PIGN: variants seen among roughly 807,000 people sequenced by gnomAD.
PIGN encodes the protein phosphatidylinositol glycan anchor biosynthesis class N.
Under a neutral mutation model 125.4 loss-of-function variants are expected in PIGN, and 117 were observed. The ratio of observed to expected loss-of-function variants is 0.93; its 90% CI spans 0.80 to 1.09. PIGN has a LOEUF of 1.09. Among genes scored for constraint, PIGN ranks in the 50% least tolerant of loss-of-function variants. The pLI is 0.00. For synonymous variants in PIGN, 392 were observed against 377.8 expected, an observed-to-expected ratio of 1.04 and a Z score of -0.44; for missense variants, 1,075 against 1,094.9, an observed-to-expected ratio of 0.98 and a Z score of 0.26.
At chr18:62,082,305 A>C (rs964928010) in intron 28 of PIGN, among the ~76,000 whole-genome samples, 1 of 152,184 alleles carries the variant, frequency 6.6e-6, no homozygotes, top group African/African-American at 2.4e-5. Flanking sequence ...TAACATATTT[A>C]AGAAATAAAC....
At chr18:62,120,653 T>C (rs1358928153) in intron 14 of PIGN, among the ~76,000 whole-genome samples, 2 of 152,064 alleles carry the variant, frequency 1.3e-5, no homozygotes, top group Non-Finnish European at 2.9e-5. Flanking sequence ...ACTAATAATG[T>C]GCCCAAAATG....
chr18:62,111,048 TCC>T, intron 16 of PIGN, among the ~76,000 whole-genome samples: 1 of 151,736 alleles, frequency 6.6e-6, no homozygotes, highest in African/African-American at 2.4e-5. Context: ...CGAACAAACC[TCC>T]CACATTCTAT....
intron 13 of PIGN, 74 bp from the exon 14 acceptor site, chr18:62,138,372 A>C (rs1490092498): frequency 3.4e-6 from 5 of 1,486,184 alleles, no homozygotes; most frequent in African/African-American, 1.4e-5. Context: ...ACATCCATTA[A>C]AATGATTCTT....
intron 14 of PIGN, among the ~76,000 whole-genome samples, chr18:62,117,380 G>C (rs1198569488): frequency 6.6e-6 from 1 of 152,038 alleles, no homozygotes; most frequent in Non-Finnish European, 1.5e-5. Flanking sequence ...GTTGGCAGAG[G>C]AGTAATTAAA....
chr18:62,069,856 T>G (rs1438188140), intron 30 of PIGN: 2 of 152,210 alleles, frequency 1.3e-5, no homozygotes, highest in Non-Finnish European at 2.9e-5. Context: ...CAAATTTCAT[T>G]ATGTGTAGTT....
chr18:62,122,285 C>T lies in PIGN; in HGVS notation c.1173-7646G>A, dbSNP rs2035337611. Among the ~76,000 whole-genome samples, 3 of 151,826 alleles carry T rather than the reference C, an allele frequency of 2.0e-5. No homozygotes were observed. In the South Asian group the frequency reaches 6.3e-4, roughly 32 times the overall value. On this transcript the variant is annotated intron_variant, in intron 14 of 30. Coordinates refer to ENST00000640252, the MANE Select transcript of PIGN (RefSeq NM_176787.5). ...TTGATTATATGAATGTATCATGTAC[C>T]CCTAAAATATGTATGTAATGTATCA...
intron 14 of PIGN, among the ~76,000 whole-genome samples, chr18:62,135,445 G>C (rs1385777305): frequency 3.3e-5 from 5 of 151,980 alleles, no homozygotes; most frequent in African/African-American, 1.2e-4. Flanking sequence ...ACCCCCAGAG[G>C]ACACAGTGGC....
chr18:62,124,287 A>G (rs10503065), intron 14 of PIGN, among the ~76,000 whole-genome samples: 45,602 of 152,068 alleles, frequency 0.3, 7,944 homozygotes, highest in East Asian at 0.55. Context: ...TCTGCTTAAA[A>G]GAATACTTAC....
At chr18:62,091,107 T>C (rs1000872034) in intron 23 of PIGN, among the ~76,000 whole-genome samples, 3 of 152,184 alleles carry the variant, frequency 2.0e-5, no homozygotes, top group Non-Finnish European at 4.4e-5. Flanking sequence ...CCCAGCACTT[T>C]GGCAGGCCGG....
At chr18:62,081,123 G>A (rs142668179) in intron 28 of PIGN, among the ~76,000 whole-genome samples, 68 of 152,200 alleles carry the variant, frequency 4.5e-4, no homozygotes, top group East Asian at 5.8e-4. Flanking sequence ...TACTGAACTC[G>A]TCCTTGGCAT....
chr18:62,025,618 G>A (rs1437164345), intron 23 of PIGN, among the ~76,000 whole-genome samples: 1 of 152,182 alleles, frequency 6.6e-6, no homozygotes, highest in Admixed American at 6.5e-5. Flanking sequence ...TCTTGCTTAT[G>A]CAAACCTCCA....
At position 62,082,737 on chromosome 18, in the gene PIGN, G is replaced by T. The variant is rs1334750676; in HGVS notation, c.2512C>A (p.Pro838Thr). ...GALMMWKILIPFVLVMCAFEA... is the reference protein window; with the variant it reads ...GALMMWKILITFVLVMCAFEA... ...AAAGCACACATAACAAGAACAAAGG[G>T]GATTAAAATCTGTAAAAGAACAATA... is the stretch of plus-strand genomic sequence containing the variant. The change falls in exon 28 of 31, where the codon CCC becomes ACC. Residue 838 changes from proline (P) to threonine (T), a missense_variant. Pro to Thr is a conservative substitution (Grantham distance 38). Around this residue, in one of 3 missense-constraint regions of PIGN, gnomAD observed 915 missense variants for 908.7 expected, o/e 1.01. Transcript: ENST00000640252. 6.6e-7 allele frequency: 1 copy of T among 1,522,968 alleles called. No individual in the cohort carries two copies. Among genetic ancestry groups the T allele is most frequent in the Non-Finnish European group, 8.9e-7 (1 of 1,123,064 alleles). The allele number at this position is 1,522,968 out of a possible 1,614,324, so 94.3% of individuals were successfully genotyped here.
intron 30 of PIGN, among the ~76,000 whole-genome samples, chr18:62,061,917 C>T (rs2032171488): frequency 6.6e-6 from 1 of 152,110 alleles, no homozygotes; most frequent in Non-Finnish European, 1.5e-5. Context: ...ACGTACATTT[C>T]CCCCTACTTC....
Position 62,172,966 on chromosome 18 carries a change from G to A in PIGN, c.-235-9310C>T, listed in dbSNP as rs143093787. Among the ~76,000 whole-genome samples the A allele has an allele frequency of 2.6e-5, 4 of 152,122 alleles. No homozygotes were observed. In the East Asian group the frequency reaches 5.8e-4, roughly 22 times the overall value. ...AGTAGACTCCCCAATGACACCATAC[G>A]AACACAAAATATTAGCAATACTAAA... On this transcript the variant is annotated intron_variant, in intron 1 of 30. Coordinates refer to ENST00000640252, the MANE Select transcript of PIGN (RefSeq NM_176787.5).
chr18:62,109,802 GA>G, intron 17 of PIGN, 31 bp downstream of exon 17: 1 of 1,577,028 alleles, frequency 6.3e-7, no homozygotes, highest in Non-Finnish European at 8.6e-7. Flanking sequence ...TCAATGAAGT[GA>G]AAAAACAAGG....
chr18:62,091,242 G>C (rs369538632), intron 23 of PIGN, among the ~76,000 whole-genome samples: 2 of 152,136 alleles, frequency 1.3e-5, no homozygotes, highest in East Asian at 1.9e-4. Flanking sequence ...TAACTCGGGA[G>C]GCTGAGGCAG....
At chr18:62,057,794 T>C (rs1476850560) in intron 30 of PIGN, among the ~76,000 whole-genome samples, 3 of 152,214 alleles carry the variant, frequency 2.0e-5, no homozygotes, top group African/African-American at 7.2e-5. Context: ...ACACTAACTG[T>C]ACAGAGCACC....
At position 62,157,132 on chromosome 18, in the gene PIGN, T is replaced by A. The variant is rs370389707; in HGVS notation, c.439A>T (p.Lys147Ter). ...AAACATAATCAGTGACTCTTACCTT[T>A]GGCAAACATAGGCAGGATATCTGGG... ...GSPDILPMFA[K>*]GASGDHVYTY... The change falls in exon 6 of 31, where the codon AAA becomes TAA. Residue 147 changes from lysine (K) to a stop codon, truncating the protein, a stop_gained. Transcript: ENST00000640252. LOFTEE classifies it high-confidence loss of function. The A allele has an allele frequency of 2.9e-5, 45 of 1,572,708 alleles. No homozygotes were observed. Among genetic ancestry groups the A allele is most frequent in the Non-Finnish European group, 3.4e-5 (39 of 1,145,900 alleles).
At position 62,095,840 on chromosome 18, in the gene PIGN, G is replaced by C. The variant is rs767264989; in HGVS notation, c.2180+8C>G. On this transcript the variant is annotated splice_region_variant and intron_variant, in intron 23 of 30. Transcript: ENST00000640252. Reference sequence around the variant, plus strand: ...TGCTATAAAATTAAATTGTTAAAAAGTTTATACCCTGTGCTTAGAAGTAGG... The same window carrying C: ...TGCTATAAAATTAAATTGTTAAAAACTTTATACCCTGTGCTTAGAAGTAGG... 3.9e-6 allele frequency: 6 copies of C among 1,523,690 alleles called. No homozygotes were observed. The highest frequency in any genetic ancestry group is 4.6e-6 in the Non-Finnish European group (5 of 1,098,346). The allele number at this position is 1,523,690 out of a possible 1,614,324, so 94.4% of individuals were successfully genotyped here.
Sources: gnomAD v4.1 joint callset for allele counts (sites outside exome capture counted in the v4.1 genomes callset) on GRCh38, gnomAD v4.1.1 for gene constraint, gnomAD v4.1.1 regional missense constraint, MANE v1.5 for transcripts, NCBI Gene and HGNC (gene_info 2026-07-23, HGNC 2026-07-21) for gene names.